MYOCD: variants seen among roughly 807,000 people sequenced by gnomAD.
MYOCD encodes the protein myocardin.
A neutral mutation model predicts 96.1 loss-of-function variants in MYOCD; 32 were observed. The ratio of observed to expected loss-of-function variants is 0.33; its 90% CI spans 0.25 to 0.45. The LOEUF (loss-of-function observed/expected upper bound fraction) is 0.45. MYOCD is among the 20% of genes least tolerant of loss of function. MYOCD has a pLI of 1.00. For missense variants in MYOCD, 1,133 were observed against 1,200.6 expected (o/e 0.94, Z 0.83); for synonymous variants, 469 against 469.0 (o/e 1.00, Z 0.00).
intron 5 of MYOCD, among the ~76,000 whole-genome samples, chr17:12,725,530 A>T (rs2031971171): frequency 6.7e-6 from 1 of 148,618 alleles, no homozygotes; most frequent in South Asian, 2.1e-4. Context: ...AACTATATGT[A>T]TGAATTATAT....
intron 9 of MYOCD, among the ~76,000 whole-genome samples, chr17:12,748,585 T>G (rs776063013): frequency 1.3e-5 from 2 of 152,174 alleles, no homozygotes; most frequent in Non-Finnish European, 2.9e-5. Flanking sequence ...AAGAGGTGTA[T>G]ATAAACCTTT....
chr17:12,721,696 G>A (rs1026395349), intron 4 of MYOCD, among the ~76,000 whole-genome samples: 22 of 152,134 alleles, frequency 1.4e-4, no homozygotes, highest in African/African-American at 5.3e-4. Context: ...GTGGATGGTG[G>A]GAAGCATCTT....
In MYOCD at chr17:12,666,147, G is replaced by GGGGC. The variant is rs779474172; in HGVS notation, c.-40_-37dup. ...GGAGCCTGTTGCTGGTGGAGAACAG[G>GGGGC]GGGCGCCTGGCCAAGGGACCAGCGG... On this transcript the variant is annotated 5_prime_UTR_variant, in exon 1 of 14. An upstream open reading frame in the 5' UTR loses its in-frame stop. Transcript: ENST00000425538. 90 of 1,553,612 alleles carry GGGGC rather than the reference G, an allele frequency of 5.8e-5. No individual in the cohort carries two copies. The highest frequency in any genetic ancestry group is 7.5e-5 in the Non-Finnish European group (85 of 1,126,464).
In MYOCD at chr17:12,666,013, G is replaced by C. The variant is rs918123995; in HGVS notation, c.-176G>C. ...TAATTAGCCCCGCACGGCGAGGGGG[G>C]AGGCGCCAGTTTTCTGGGGACACTG... On this transcript the variant is annotated 5_prime_UTR_variant, in exon 1 of 14. Coordinates refer to ENST00000425538, the MANE Select transcript of MYOCD (RefSeq NM_001146312.3). The C allele has an allele frequency of 1.8e-6, 1 of 551,094 alleles. No individual in the cohort carries two copies. The highest frequency in any genetic ancestry group is 3.2e-6 in the Non-Finnish European group (1 of 309,156). The allele number at this position is 551,094 out of a possible 1,614,324, so 34.1% of individuals were successfully genotyped here.
chr17:12,678,528 T>C (rs1910241133), intron 1 of MYOCD, among the ~76,000 whole-genome samples: 2 of 151,928 alleles, frequency 1.3e-5, no homozygotes, highest in East Asian at 1.9e-4. Flanking sequence ...TGTCTAAATA[T>C]AAAACCAAAG....
At chr17:12,743,847 T>G (rs1254309060) in intron 7 of MYOCD, among the ~76,000 whole-genome samples, 3 of 152,140 alleles carry the variant, frequency 2.0e-5, no homozygotes, top group African/African-American at 7.2e-5. Flanking sequence ...GCAACCTTTG[T>G]TAGGTCATCA....
Position 12,700,399 on chromosome 17 carries a change from A to ATTTTTTTTTTTTTTTTTTT in MYOCD, c.56-4718_56-4700dup, listed in dbSNP as rs952565560. On this transcript the variant is annotated intron_variant, in intron 1 of 13. Transcript: ENST00000425538. ...ATTGGCTAACTCTAGCAATGGGAGA[A>ATTTTTTTTTTTTTTTTTTT]TTTTTTTTTTTTTTTTTTTTTTTTT... Among the ~76,000 whole-genome samples the ATTTTTTTTTTTTTTTTTTT allele has an allele frequency of 3.3e-4, 25 of 76,892 alleles. 4 individuals are homozygous for ATTTTTTTTTTTTTTTTTTT. Among genetic ancestry groups the ATTTTTTTTTTTTTTTTTTT allele is most frequent in the Non-Finnish European group, 3.8e-4 (17 of 44,356 alleles). 50.4% of individuals were successfully genotyped at this position (76,892 alleles called of 152,430 possible).
intron 1 of MYOCD, among the ~76,000 whole-genome samples, chr17:12,670,334 AG>A (rs1179955538): frequency 6.6e-6 from 1 of 152,178 alleles, no homozygotes; most frequent in East Asian, 1.9e-4. Flanking sequence ...CATCTCAGCA[AG>A]ACCCTGCAGT....
chr17:12,732,217 T>C (rs904114235), intron 5 of MYOCD, among the ~76,000 whole-genome samples: 1 of 152,184 alleles, frequency 6.6e-6, no homozygotes, highest in Non-Finnish European at 1.5e-5. Context: ...GGGAGACTCC[T>C]ACAAGCAATG....
chr17:12,717,397 T>C lies in MYOCD; in HGVS notation c.229T>C (p.Leu77=). The C allele has an allele frequency of 6.2e-7, 1 of 1,614,022 alleles. No individual in the cohort carries two copies. Among genetic ancestry groups the C allele is most frequent in the Non-Finnish European group, 8.5e-7 (1 of 1,179,948 alleles). ...CAGAAACAGGTGCAACAGTGCCGAC[T>C]TGGTTAATATGCACATACTCCAAGG... is the stretch of plus-strand genomic sequence containing the variant. The part of the protein sequence containing the change: ...KARNRCNSAD[L]VNMHILQAST... The change falls in exon 4 of 14, where the codon TTG becomes CTG. Residue 77 remains leucine (L), a synonymous_variant. Transcript: ENST00000425538.
Position 12,765,396 on chromosome 17 carries a change from A to C in MYOCD, c.*1752A>C, listed in dbSNP as rs1172990172. On this transcript the variant is annotated 3_prime_UTR_variant, in exon 14 of 14. Transcript: ENST00000425538. Reference sequence around the variant, plus strand: ...TGGGATTTTAGAAGCTCTCTTTTTGATAAACCAAAGATTTAGAAGTCATTC... The same window carrying C: ...TGGGATTTTAGAAGCTCTCTTTTTGCTAAACCAAAGATTTAGAAGTCATTC... 33 of 151,990 alleles carry C rather than the reference A, an allele frequency of 2.2e-4. No homozygotes were observed. Among genetic ancestry groups the C allele is most frequent in the Non-Finnish European group, 1.5e-5 (1 of 67,972 alleles). 9.4% of individuals were successfully genotyped at this position (151,990 alleles called of 1,614,324 possible). A position where few individuals can be genotyped will look rare whatever the true frequency, so the allele number is the denominator to read the frequency against.
Position 12,736,362 on chromosome 17 carries a change from A to G in MYOCD, c.591+26A>G, listed in dbSNP as rs768727256. The G allele has an allele frequency of 3.1e-6, 5 of 1,608,794 alleles. No individual in the cohort carries two copies. In the South Asian group the frequency reaches 3.3e-5, roughly 11 times the overall value. On this transcript the variant is annotated intron_variant, in intron 6 of 13. Coordinates refer to ENST00000425538, the MANE Select transcript of MYOCD (RefSeq NM_001146312.3). ...GTAAAAAACAAAACAAACAAACGAA[A>G]AAAGTAAAACAGCATCTCAGTGTAT...
chr17:12,734,409 A>G (rs2322593), intron 5 of MYOCD, among the ~76,000 whole-genome samples: 83,832 of 150,930 alleles, frequency 0.56, 23,316 homozygotes, highest in East Asian at 0.69. Context: ...AAGAAAATGC[A>G]GTGACTTCTA....
chr17:12,689,354 A>G (rs528708075), intron 1 of MYOCD, among the ~76,000 whole-genome samples: 16 of 152,320 alleles, frequency 1.1e-4, no homozygotes, highest in African/African-American at 3.8e-4. Flanking sequence ...AGACTCCCAC[A>G]CCCTATAAAG....
intron 2 of MYOCD, among the ~76,000 whole-genome samples, chr17:12,711,650 G>A (rs1249740501): frequency 6.6e-6 from 1 of 152,162 alleles, no homozygotes; most frequent in Non-Finnish European, 1.5e-5. Context: ...GTTAGTCCAA[G>A]CAGCCTTTCT....
intron 5 of MYOCD, among the ~76,000 whole-genome samples, chr17:12,730,193 A>G (rs1441295763): frequency 2.0e-5 from 3 of 152,064 alleles, no homozygotes; most frequent in Non-Finnish European, 4.4e-5. Flanking sequence ...CATGCCTGCA[A>G]TCCCAGCACT....
chr17:12,739,444 G>T (rs2150706701), intron 7 of MYOCD, 116 bp downstream of exon 7: 7 of 1,244,066 alleles, frequency 5.6e-6, no homozygotes, highest in Non-Finnish European at 7.4e-6. Context: ...GGAGGACCCA[G>T]GCAGAGGTTC....
chr17:12,751,233 A>G (rs1034192191), intron 9 of MYOCD, among the ~76,000 whole-genome samples: 11 of 151,880 alleles, frequency 7.2e-5, no homozygotes, highest in African/African-American at 2.7e-4. Flanking sequence ...TTAACATTTT[A>G]GCATATTTTT....
rs8078432 is a variant in MYOCD at position 12,764,219 on chromosome 17, C to A, written c.*575C>A. On this transcript the variant is annotated 3_prime_UTR_variant, in exon 14 of 14. Coordinates refer to ENST00000425538, the MANE Select transcript of MYOCD (RefSeq NM_001146312.3). ...ATTTCCAGGGAAGCTAATCAACTCTCTTTTCCCTCTACCACAAAACTGCCC... is the reference window on the plus strand; with the variant it reads ...ATTTCCAGGGAAGCTAATCAACTCTATTTTCCCTCTACCACAAAACTGCCC... 28,795 of 152,304 alleles carry A rather than the reference C, an allele frequency of 0.19. 5,359 individuals carry two copies. The highest frequency in any genetic ancestry group is 0.45 in the East Asian group (2,342 of 5,176). The allele number at this position is 152,304 out of a possible 1,614,324, so 9.4% of individuals were successfully genotyped here. A position where few individuals can be genotyped will look rare whatever the true frequency, so the allele number is the denominator to read the frequency against.
Sources: gnomAD v4.1 joint callset for allele counts (sites outside exome capture counted in the v4.1 genomes callset) on GRCh38, gnomAD v4.1.1 for gene constraint, MANE v1.5 for transcripts, NCBI Gene and HGNC (gene_info 2026-07-23, HGNC 2026-07-21) for gene names.